Variants in NCAM1 observed in about 807,000 individuals in gnomAD.
NCAM1 encodes neural cell adhesion molecule 1, also known as antigen recognized by monoclonal antibody 5.1H11.
NCAM1 carries 14 observed loss-of-function variants against 109.8 expected under a neutral mutation model. The observed-to-expected ratio is 0.13, with a 90% CI of 0.08 to 0.20. The LOEUF (loss-of-function observed/expected upper bound fraction) is 0.20, where lower values mean the gene tolerates loss of function less well. Among genes scored for constraint, NCAM1 ranks in the 10% least tolerant of loss-of-function variants. The probability of loss-of-function intolerance (pLI) is 1.00; values close to 1 mark genes in which losing one functional copy is unlikely to be tolerated. For synonymous variants in NCAM1, 418 were observed against 442.9 expected, an observed-to-expected ratio of 0.94 and a Z score of 0.70; for missense variants, 774 against 1,109.9, an observed-to-expected ratio of 0.70 and a Z score of 4.30.
intron 1 of NCAM1, among the ~76,000 whole-genome samples, chr11:113,055,590 G>T (rs2437694): frequency 6.6e-6 from 1 of 152,014 alleles, no homozygotes; most frequent in African/African-American, 2.4e-5. Context: ...ATTTTAGCTA[G>T]GTAGCCTTTC....
At chr11:113,123,908 C>T (rs972079516) in intron 1 of NCAM1, among the ~76,000 whole-genome samples, 4 of 152,094 alleles carry the variant, frequency 2.6e-5, no homozygotes, top group Non-Finnish European at 4.4e-5. Flanking sequence ...CTAGATGGTT[C>T]CTGACCCCTC....
At chr11:112,964,346 G>A (rs971150850) in intron 1 of NCAM1, among the ~76,000 whole-genome samples, 1 of 151,994 alleles carries the variant, frequency 6.6e-6, no homozygotes, top group African/African-American at 2.4e-5. Context: ...TTGTGCAATT[G>A]CATAGTAAAT....
chr11:112,973,588 T>C (rs972596301), intron 1 of NCAM1, among the ~76,000 whole-genome samples: 2 of 152,132 alleles, frequency 1.3e-5, no homozygotes, highest in Non-Finnish European at 2.9e-5. Flanking sequence ...GAGCCAGTTA[T>C]TTAATCTCCA....
intron 15 of NCAM1, among the ~76,000 whole-genome samples, chr11:113,251,582 C>A (rs1945680309): frequency 1.3e-5 from 2 of 152,260 alleles, no homozygotes; most frequent in Middle Eastern, 3.4e-3. Context: ...GGCAAAGTTT[C>A]TTTTTAATGT....
intron 1 of NCAM1, among the ~76,000 whole-genome samples, chr11:113,182,827 G>A (rs889058907): frequency 1.3e-5 from 2 of 152,176 alleles, no homozygotes; most frequent in East Asian, 1.9e-4. Flanking sequence ...GGCTTACAGC[G>A]GCAGCCCTCG....
At chr11:113,154,641 C>T (rs1324508810) in intron 1 of NCAM1, among the ~76,000 whole-genome samples, 4 of 152,070 alleles carry the variant, frequency 2.6e-5, no homozygotes, top group East Asian at 1.9e-4. Flanking sequence ...TACACACACC[C>T]GCCACACATG....
At chr11:113,109,676 A>G (rs1178311312) in intron 1 of NCAM1, among the ~76,000 whole-genome samples, 2 of 152,200 alleles carry the variant, frequency 1.3e-5, no homozygotes, top group Non-Finnish European at 2.9e-5. Context: ...TAATGAATCC[A>G]AGGTAGAAAA....
intron 1 of NCAM1, among the ~76,000 whole-genome samples, chr11:113,045,414 A>C (rs1435190582): frequency 6.6e-6 from 1 of 152,146 alleles, no homozygotes; most frequent in African/African-American, 2.4e-5. Flanking sequence ...CTAAGAGAGT[A>C]ATCGTGGTAA....
At chr11:112,977,352 C>G (rs1236864241) in intron 1 of NCAM1, 1 of 151,756 alleles carries the variant, frequency 6.6e-6, no homozygotes, top group Non-Finnish European at 1.5e-5. Flanking sequence ...AATGCAATTT[C>G]TAGTATTATA....
At chr11:113,033,743 A>T (rs1247312610) in intron 1 of NCAM1, among the ~76,000 whole-genome samples, 2 of 152,186 alleles carry the variant, frequency 1.3e-5, no homozygotes, top group African/African-American at 4.8e-5. Flanking sequence ...GTTAATATGC[A>T]TTTGTTGAAC....
chr11:113,246,540 G>A (rs1555120266), intron 15 of NCAM1, among the ~76,000 whole-genome samples, 170 bp downstream of exon 15: 1 of 152,146 alleles, frequency 6.6e-6, no homozygotes, highest in Non-Finnish European at 1.5e-5. Context: ...TTGACATGAC[G>A]ATTTGGTATC....
At chr11:112,975,453 T>G (rs1950982398) in intron 1 of NCAM1, among the ~76,000 whole-genome samples, 1 of 152,018 alleles carries the variant, frequency 6.6e-6, no homozygotes, top group South Asian at 2.1e-4. Context: ...AGTTTTTTGT[T>G]TATACTTGTA....
intron 1 of NCAM1, among the ~76,000 whole-genome samples, chr11:113,196,380 TGTAGAGA>T (rs1943856452): frequency 6.6e-6 from 1 of 152,216 alleles, no homozygotes; most frequent in African/African-American, 2.4e-5. Flanking sequence ...CTTATTTTAA[TGTAGAGA>T]GTAGAACTGG....
At chr11:113,217,949 C>G (rs1328926204) in intron 8 of NCAM1, among the ~76,000 whole-genome samples, 2 of 152,110 alleles carry the variant, frequency 1.3e-5, no homozygotes, top group East Asian at 3.9e-4. Context: ...ATACAAACAC[C>G]CTGTGGCTTG....
In NCAM1 at chr11:113,079,321, A is replaced by G. The variant is rs1555086731; in HGVS notation, c.52+117657A>G. ...TAAGGGACTTGTCTAGAGTCAGTCC[A>G]CTGGTAAGTTGTAGAGTAAGCCTCA... On this transcript the variant is annotated intron_variant, in intron 1 of 19. Coordinates refer to ENST00000316851, the MANE Select transcript of NCAM1 (RefSeq NM_181351.5). 5.3e-5 allele frequency among the ~76,000 whole-genome samples: 8 copies of G among 152,324 alleles called. No homozygotes were observed. In the South Asian group the frequency reaches 1.5e-3, roughly 28 times the overall value.
chr11:113,251,343 A>T (rs782706002), intron 15 of NCAM1, among the ~76,000 whole-genome samples: 1 of 152,216 alleles, frequency 6.6e-6, no homozygotes, highest in African/African-American at 2.4e-5. Context: ...CATGAAGCTG[A>T]TTCAGATTTA....
chr11:112,978,336 A>G (rs1431064199), intron 1 of NCAM1, among the ~76,000 whole-genome samples: 1 of 151,888 alleles, frequency 6.6e-6, no homozygotes, highest in Admixed American at 6.6e-5. Context: ...TTTAGAAAAT[A>G]CGTGATTCGG....
At chr11:113,096,576 A>G (rs1428329370) in intron 1 of NCAM1, among the ~76,000 whole-genome samples, 3 of 151,924 alleles carry the variant, frequency 2.0e-5, no homozygotes, top group South Asian at 2.1e-4. Context: ...TTTTCTAAGC[A>G]CTCTGTTCAT....
Position 112,961,494 on chromosome 11 carries a change from C to T in NCAM1, c.-119C>T. 1 of 799,252 alleles carries T rather than the reference C, an allele frequency of 1.3e-6. No homozygotes were observed. The highest frequency in any genetic ancestry group is 2.3e-6 in the Non-Finnish European group (1 of 435,816). 49.5% of individuals were successfully genotyped at this position (799,252 alleles called of 1,614,324 possible). A position where few individuals can be genotyped will look rare whatever the true frequency, so the allele number is the denominator to read the frequency against. On this transcript the variant is annotated 5_prime_UTR_variant, in exon 1 of 20. Coordinates refer to ENST00000316851, the MANE Select transcript of NCAM1 (RefSeq NM_181351.5). The stretch of plus-strand genomic sequence containing the variant: ...AAACAATTCTGCAAAAATAATCATA[C>T]TCAGCCTGGCAATTGTCTGCCCCTA...
Sources: allele counts gnomAD v4.1 joint callset (sites outside exome capture counted in the v4.1 genomes callset), GRCh38; gene constraint gnomAD v4.1.1; transcripts MANE v1.5; gene names NCBI Gene and HGNC (gene_info 2026-07-23, HGNC 2026-07-21).